ABCF1: variants seen among roughly 807,000 people sequenced by gnomAD.
The protein encoded by ABCF1 is ATP binding cassette subfamily F member 1.
A neutral mutation model predicts 126.3 loss-of-function variants in ABCF1; 73 were observed. The observed-to-expected ratio is 0.58, with a 90% CI of 0.48 to 0.70. ABCF1 has a LOEUF of 0.70. Ranked by LOEUF, ABCF1 falls within the 30% of genes least tolerant of loss-of-function variation. The pLI is 0.00. For missense variants in ABCF1, 786 were observed against 1,057.5 expected (o/e 0.74, Z 3.56); for synonymous variants, 345 against 396.4 (o/e 0.87, Z 1.54).
rs765030703 is a variant in ABCF1 at position 30,571,598 on chromosome 6, G to T, written c.73+38G>T. ...GGCAAGGAAGAAACGAGCAGAGGGG[G>T]AAGAGAGAGGAGACTGCGCGTGTTT... On this transcript the variant is annotated intron_variant, in intron 1 of 24. Coordinates refer to ENST00000326195, the MANE Select transcript of ABCF1 (RefSeq NM_001025091.2). The T allele has an allele frequency of 1.9e-6, 3 of 1,590,460 alleles. No homozygotes were observed. In the African/African-American group the frequency reaches 4.0e-5, roughly 21 times the overall value.
chr6:30,582,348 G>A (rs1356466409), intron 8 of ABCF1, 46 bp from the exon 9 acceptor site: 10 of 1,294,442 alleles, frequency 7.7e-6, no homozygotes, highest in African/African-American at 1.5e-5. Context: ...GAGCCACCGC[G>A]CCCAGCCAGG....
rs1213650863 is a variant in ABCF1, at chr6:30,584,237, C to T, written c.1148C>T (p.Ala383Val). The part of the protein sequence containing the change: ...ETPAVQAVLR[A>V]DTKRLKLLEE... ...CCAGCAGTCCAGGCTGTTCTTCGAG[C>T]TGACACCAAGCGATTGAAGCTGCTG... Residue 383 changes from alanine (A) to valine (V), a missense_variant, in exon 13 of 25, where the codon GCT (alanine) becomes GTT (valine). Physicochemically the swap from Ala to Val is moderately conservative, Grantham distance 64. Transcript: ENST00000326195. The surrounding 1 kb of genome is among the most constrained non-coding windows in gnomAD (Gnocchi z 4.6). 6 of 1,612,912 alleles carry T rather than the reference C, an allele frequency of 3.7e-6. No homozygotes were observed. The highest frequency in any genetic ancestry group is 4.2e-6 in the Non-Finnish European group (5 of 1,180,020).
At chr6:30,573,808 C>G (rs1030004815) in intron 1 of ABCF1, among the ~76,000 whole-genome samples, 1 of 152,142 alleles carries the variant, frequency 6.6e-6, no homozygotes, top group Non-Finnish European at 1.5e-5. Context: ...AGTGTTCATT[C>G]GGAGATGATA....
At chr6:30,576,189 C>T (rs1388352028) in intron 1 of ABCF1, among the ~76,000 whole-genome samples, 4 of 150,068 alleles carry the variant, frequency 2.7e-5, no homozygotes, top group East Asian at 3.9e-4. Flanking sequence ...AAGACCTTCT[C>T]TTCCACTGCC....
At chr6:30,577,602 T>C in intron 2 of ABCF1, 147 bp downstream of exon 2, 4 of 1,102,940 alleles carry the variant, frequency 3.6e-6, no homozygotes. Flanking sequence ...CTTACACCTG[T>C]AATCCCAGCG....
At chr6:30,577,500 C>G (rs756221284) in intron 2 of ABCF1, 45 bp downstream of exon 2, 8 of 1,599,694 alleles carry the variant, frequency 5.0e-6, no homozygotes, top group Admixed American at 1.7e-5. Flanking sequence ...ATGGATGTTT[C>G]CAAGCTAAAT....
Position 30,586,354 on chromosome 6 carries a change from T to G in ABCF1, c.1885+49T>G, listed in dbSNP as rs1464901665. 1 of 1,601,920 alleles carries G rather than the reference T, an allele frequency of 6.2e-7. No homozygotes were observed. The highest frequency in any genetic ancestry group is 1.7e-5 in the Admixed American group (1 of 58,694). On this transcript the variant is annotated intron_variant, in intron 18 of 24. Coordinates refer to ENST00000326195, the MANE Select transcript of ABCF1 (RefSeq NM_001025091.2). This position sits in a 1 kb window ranked among gnomAD's most constrained non-coding sequence, Gnocchi z 4.9. ...CTCCACAGGAAGCACCGGAAGCATG[T>G]ATGTGCACCCTAAATTCTCCACCAA...
intron 20 of ABCF1, among the ~76,000 whole-genome samples, chr6:30,587,083 G>A (rs777858320): frequency 6.6e-6 from 1 of 152,042 alleles, no homozygotes; most frequent in Non-Finnish European, 1.5e-5. Flanking sequence ...AGTGAACCCC[G>A]CCTCTACTAA....
chr6:30,582,316 A>G (rs1011013573), intron 8 of ABCF1, 78 bp from the exon 9 acceptor site: 2 of 877,500 alleles, frequency 2.3e-6, no homozygotes, highest in Admixed American at 4.9e-5. Context: ...TTGGCTTCCC[A>G]AAGTGCTGGG....
chr6:30,590,832 G>A lies in ABCF1; in HGVS notation c.*131G>A. 1.0e-6 allele frequency: 1 copy of A among 1,002,056 alleles called. No homozygotes were observed. The highest frequency in any genetic ancestry group is 2.5e-5 in the East Asian group (1 of 39,410). The allele number at this position is 1,002,056 out of a possible 1,614,324, so 62.1% of individuals were successfully genotyped here. A position where few individuals can be genotyped will look rare whatever the true frequency, so the allele number is the denominator to read the frequency against. ...AACCATTCAGGCACATGAAGGTGGA[G>A]TGTGACCTTGATGTGACCGGGATCC... On this transcript the variant is annotated 3_prime_UTR_variant, in exon 25 of 25. Transcript: ENST00000326195.
chr6:30,573,475 A>G (rs920075933), intron 1 of ABCF1, among the ~76,000 whole-genome samples: 4 of 152,234 alleles, frequency 2.6e-5, no homozygotes, highest in Non-Finnish European at 5.9e-5. Context: ...GAAGTGCTGG[A>G]TATGGAAGAG....
chr6:30,572,426 T>C (rs1801299897), intron 1 of ABCF1, among the ~76,000 whole-genome samples: 1 of 152,154 alleles, frequency 6.6e-6, no homozygotes, highest in Non-Finnish European at 1.5e-5. Context: ...AAGAATGTTA[T>C]GGGACTGTAG....
chr6:30,589,978 C>A lies in ABCF1; in HGVS notation c.2233+4C>A. On this transcript the variant is annotated splice_donor_region_variant and intron_variant, in intron 22 of 24. Coordinates refer to ENST00000326195, the MANE Select transcript of ABCF1 (RefSeq NM_001025091.2). ...ATCCAGATCTGCAAACTCTCTGGTACCACTTCAGGGGCCAGGGAGGGTGCC... is the reference window on the plus strand; with the variant it reads ...ATCCAGATCTGCAAACTCTCTGGTAACACTTCAGGGGCCAGGGAGGGTGCC... 6.2e-7 allele frequency: 1 copy of A among 1,612,730 alleles called. No individual in the cohort carries two copies. Among genetic ancestry groups the A allele is most frequent in the Non-Finnish European group, 8.5e-7 (1 of 1,179,884 alleles).
At position 30,583,650 on chromosome 6, in the gene ABCF1, G is replaced by A. The variant is rs548473493; in HGVS notation, c.958G>A (p.Val320Ile). The A allele has an allele frequency of 4.5e-5, 72 of 1,614,026 alleles. No individual in the cohort carries two copies. Among genetic ancestry groups the A allele is most frequent in the South Asian group, 1.8e-4 (16 of 91,090 alleles). The change falls in exon 11 of 25, where the codon GTC (valine) becomes ATC (isoleucine). Residue 320 changes from valine (V) to isoleucine (I), a missense_variant. Around this residue, in one of 4 missense-constraint regions of ABCF1, gnomAD observed 163 missense variants for 255.3 expected, o/e 0.64. Transcript: ENST00000326195. This position sits in a 1 kb window ranked among gnomAD's most constrained non-coding sequence, Gnocchi z 4.1. ...SISAHGKELFVNADLYIVAGR... is the reference protein window; with the variant it reads ...SISAHGKELFINADLYIVAGR... ...CTCCGCTCATGGCAAGGAGCTGTTCGTCAATGCAGACCTGTACATTGTAGC... is the reference window on the plus strand; with the variant it reads ...CTCCGCTCATGGCAAGGAGCTGTTCATCAATGCAGACCTGTACATTGTAGC...
intron 8 of ABCF1, 54 bp from the exon 9 acceptor site, chr6:30,582,340 G>A: frequency 8.4e-7 from 1 of 1,183,794 alleles, no homozygotes; most frequent in Non-Finnish European, 1.2e-6. Flanking sequence ...ACAGGCGTGA[G>A]CCACCGCGCC....
Position 30,589,589 on chromosome 6 carries a change from C to T in ABCF1, c.2032-99C>T, listed in dbSNP as rs561659442. ...CTGCACTCCAGCCTGGGGGACAGAG[C>T]GAGACTCCGTCTCAAAAAAAAAAAA... On this transcript the variant is annotated intron_variant, in intron 20 of 24. Transcript: ENST00000326195. The T allele has an allele frequency of 1.7e-4, 230 of 1,378,242 alleles. 1 individual carries two copies. The highest frequency in any genetic ancestry group is 1.7e-3 in the African/African-American group (112 of 67,828). 85.4% of individuals were successfully genotyped at this position (1,378,242 alleles called of 1,614,324 possible). A position where few individuals can be genotyped will look rare whatever the true frequency, so the allele number is the denominator to read the frequency against.
intron 1 of ABCF1, among the ~76,000 whole-genome samples, chr6:30,575,885 C>T (rs1801469566): frequency 6.6e-6 from 1 of 152,008 alleles, no homozygotes; most frequent in Non-Finnish European, 1.5e-5. Context: ...GCCTGAGCAA[C>T]ATAGTGAGAC....
intron 20 of ABCF1, among the ~76,000 whole-genome samples, chr6:30,588,998 G>T (rs1231427363): frequency 2.0e-5 from 3 of 151,896 alleles, no homozygotes; most frequent in Admixed American, 1.3e-4. Context: ...CATATTAGGG[G>T]AACATCCCTG....
intron 8 of ABCF1, among the ~76,000 whole-genome samples, chr6:30,581,758 T>C (rs1801827504): frequency 6.6e-6 from 1 of 152,200 alleles, no homozygotes; most frequent in Non-Finnish European, 1.5e-5. Context: ...ACTCATTTTA[T>C]ACAAATGAAA....
Sources: allele counts gnomAD v4.1 joint callset (sites outside exome capture counted in the v4.1 genomes callset), GRCh38; gene constraint gnomAD v4.1.1; regional missense constraint gnomAD v4.1.1; non-coding constraint Gnocchi (gnomAD v3.1); transcripts MANE v1.5; gene names NCBI Gene and HGNC (gene_info 2026-07-23, HGNC 2026-07-21).